The following GMPR variants were observed in gnomAD, a reference collection of about 807,000 sequenced individuals.
GMPR encodes the protein guanosine monophosphate reductase, also known as GMP reductase 1.
A neutral mutation model predicts 38.4 loss-of-function variants in GMPR; 31 were observed. The observed-to-expected ratio is 0.81, with a 90% CI of 0.61 to 1.09. GMPR has a LOEUF of 1.09. Among genes scored for constraint, GMPR ranks in the 50% least tolerant of loss-of-function variants. The pLI is 0.00. For synonymous variants in GMPR, 162 were observed against 173.3 expected (o/e 0.93, Z 0.51); for missense variants, 468 against 453.7 (o/e 1.03, Z -0.29).
chr6:16,282,547 C>T (rs774389074), intron 6 of GMPR, among the ~76,000 whole-genome samples: 7 of 152,186 alleles, frequency 4.6e-5, no homozygotes, highest in Non-Finnish European at 8.8e-5. Context: ...AGGAGAGTTG[C>T]TTAACCTTTC....
At chr6:16,271,355 A>T (rs1007844367) in intron 4 of GMPR, among the ~76,000 whole-genome samples, 15 of 152,084 alleles carry the variant, frequency 9.9e-5, no homozygotes, top group Admixed American at 2.0e-4. Flanking sequence ...GCGTGGTGGC[A>T]CATACCTGTA....
At chr6:16,279,900 A>AG (rs369177945) in intron 6 of GMPR, among the ~76,000 whole-genome samples, 1 of 152,334 alleles carries the variant, frequency 6.6e-6, no homozygotes, top group African/African-American at 2.4e-5. Context: ...AATAAAAAAG[A>AG]GAGCCCAGCT....
rs1424171070 is a variant in GMPR, at chr6:16,285,793, G to T, written c.655G>T (p.Asp219Tyr). The change falls in exon 7 of 9, where the codon GAT (aspartate) becomes TAT (tyrosine). Residue 219 changes from aspartate to tyrosine, a missense_variant and splice_region_variant. Transcript: ENST00000259727. ...AHGLKGHIIS[D>Y]GGCTCPGDVA... is the part of the protein sequence containing the mutation. ...TGTCCTTGCTTTTTCCTCTGTGAAG[G>T]ATGGAGGCTGTACGTGTCCAGGGGA... The T allele has an allele frequency of 1.2e-6, 2 of 1,613,292 alleles. No individual in the cohort carries two copies. The highest frequency in any genetic ancestry group is 1.7e-6 in the Non-Finnish European group (2 of 1,179,522).
At chr6:16,274,387 A>G in intron 4 of GMPR, 28 bp from the exon 5 acceptor site, 1 of 1,377,664 alleles carries the variant, frequency 7.3e-7, no homozygotes, top group Non-Finnish European at 1.0e-6. Context: ...GTAGTTCATG[A>G]TCATCAGCTG....
chr6:16,289,124 C>T (rs551680229), intron 7 of GMPR, among the ~76,000 whole-genome samples: 24 of 152,306 alleles, frequency 1.6e-4, no homozygotes, highest in African/African-American at 4.8e-4. Flanking sequence ...GTCTTTAGGC[C>T]CACACTGCTT....
At chr6:16,245,903 G>C (rs1025434727) in intron 1 of GMPR, among the ~76,000 whole-genome samples, 1 of 152,192 alleles carries the variant, frequency 6.6e-6, no homozygotes, top group Non-Finnish European at 1.5e-5. Flanking sequence ...AAGGCAGAGG[G>C]GTTCTGGGAG....
chr6:16,238,834 C>A, intron 1 of GMPR, 54 bp downstream of exon 1: 3 of 1,002,634 alleles, frequency 3.0e-6, no homozygotes, highest in Admixed American at 5.1e-5. Context: ...CCGGGTGGCG[C>A]GGGGCAAGTG....
At chr6:16,293,735 T>C (rs1313370594) in intron 8 of GMPR, among the ~76,000 whole-genome samples, 3 of 152,030 alleles carry the variant, frequency 2.0e-5, no homozygotes, top group Non-Finnish European at 2.9e-5. Flanking sequence ...GAGGCAGAGG[T>C]TGCAGTGAGC....
At chr6:16,279,004 G>A (rs981661266) in intron 6 of GMPR, 114 bp downstream of exon 6, 18 of 661,838 alleles carry the variant, frequency 2.7e-5, no homozygotes, top group Non-Finnish European at 4.2e-5. Context: ...TGGGCACTGC[G>A]GTCACAGCGC....
intron 4 of GMPR, among the ~76,000 whole-genome samples, chr6:16,269,084 C>CA (rs1232487538): frequency 1.3e-5 from 2 of 151,456 alleles, no homozygotes; most frequent in Admixed American, 6.6e-5. Context: ...ACCACAATTA[C>CA]AAAAAAACTA....
At chr6:16,241,123 G>A (rs1758640539) in intron 1 of GMPR, among the ~76,000 whole-genome samples, 1 of 152,152 alleles carries the variant, frequency 6.6e-6, no homozygotes, top group African/African-American at 2.4e-5. Context: ...CATCCTGGCA[G>A]AAGTAATATC....
At chr6:16,292,810 A>G (rs1255888206) in intron 8 of GMPR, among the ~76,000 whole-genome samples, 2 of 152,208 alleles carry the variant, frequency 1.3e-5, no homozygotes, top group Non-Finnish European at 2.9e-5. Flanking sequence ...ACAAACAGAA[A>G]CCAAAGAGCT....
intron 4 of GMPR, among the ~76,000 whole-genome samples, chr6:16,266,634 C>T (rs1235372486): frequency 6.6e-6 from 1 of 151,490 alleles, no homozygotes; most frequent in Non-Finnish European, 1.5e-5. Flanking sequence ...AACCCCATCT[C>T]TACTAAAAGT....
chr6:16,274,094 G>A lies in GMPR; in HGVS notation c.466-321G>A, dbSNP rs1255109832. On this transcript the variant is annotated intron_variant, in intron 4 of 8. Transcript: ENST00000259727. Reference sequence around the variant, plus strand: ...CTCCCAAAGTACTGAGATTACAGGCGTGAGCCACCAAGCCCAGCCTCCTCT... The same window carrying A: ...CTCCCAAAGTACTGAGATTACAGGCATGAGCCACCAAGCCCAGCCTCCTCT... Among the ~76,000 whole-genome samples, 5 of 152,244 alleles carry A rather than the reference G, an allele frequency of 3.3e-5. No homozygotes were observed. In the South Asian group the frequency reaches 8.3e-4, roughly 25 times the overall value.
chr6:16,289,579 T>C (rs1759791119), intron 7 of GMPR: 1 of 152,208 alleles, frequency 6.6e-6, no homozygotes, highest in Admixed American at 6.5e-5. Flanking sequence ...GTGATTAGTC[T>C]GGCAGAATAT....
At chr6:16,270,037 C>T (rs1034941715) in intron 4 of GMPR, among the ~76,000 whole-genome samples, 2 of 152,224 alleles carry the variant, frequency 1.3e-5, no homozygotes, top group Non-Finnish European at 2.9e-5. Flanking sequence ...CCCCAAATCC[C>T]CACCTGCTAA....
At chr6:16,271,147 TG>T (rs1420722169) in intron 4 of GMPR, among the ~76,000 whole-genome samples, 2 of 152,254 alleles carry the variant, frequency 1.3e-5, no homozygotes, top group East Asian at 3.9e-4. Flanking sequence ...AAAAATAAAA[TG>T]GTTCGCAGGT....
chr6:16,243,094 C>G (rs536470460), intron 1 of GMPR, among the ~76,000 whole-genome samples: 3 of 152,074 alleles, frequency 2.0e-5, no homozygotes, highest in Non-Finnish European at 2.9e-5. Flanking sequence ...ATAATTCAAC[C>G]CATAACAGAC....
intron 8 of GMPR, among the ~76,000 whole-genome samples, chr6:16,292,192 C>T (rs1192974639): frequency 6.6e-6 from 1 of 152,044 alleles, no homozygotes; most frequent in Non-Finnish European, 1.5e-5. Context: ...CCACTCATTC[C>T]ACACCCAGAG....
Sources: allele counts gnomAD v4.1 joint callset (sites outside exome capture counted in the v4.1 genomes callset), GRCh38; gene constraint gnomAD v4.1.1; transcripts MANE v1.5; gene names NCBI Gene and HGNC (gene_info 2026-07-23, HGNC 2026-07-21).